Variants in TEX15 observed in about 807,000 individuals in gnomAD.
The protein encoded by TEX15 is testis-expressed protein 15.
A neutral mutation model predicts 237.3 loss-of-function variants in TEX15; 171 were observed. That is an observed-to-expected ratio of 0.72 (90% CI 0.64 to 0.82). The LOEUF (loss-of-function observed/expected upper bound fraction) is 0.82, where lower values mean the gene tolerates loss of function less well. TEX15 is among the 40% of genes least tolerant of loss of function. The probability of loss-of-function intolerance (pLI) is 0.00; values close to 1 mark genes in which losing one functional copy is unlikely to be tolerated. For synonymous variants in TEX15, 1,338 were observed against 1,269.8 expected, an observed-to-expected ratio of 1.05 and a Z score of -1.14; for missense variants, 3,750 against 3,646.5, an observed-to-expected ratio of 1.03 and a Z score of -0.73.
At chr8:30,884,777 G>C (rs1808609667) in intron 3 of TEX15, among the ~76,000 whole-genome samples, 1 of 151,770 alleles carries the variant, frequency 6.6e-6, no homozygotes, top group South Asian at 2.1e-4. Context: ...CAAAGACCCA[G>C]ATTTTCATTT....
intron 8 of TEX15, 112 bp downstream of exon 8, chr8:30,841,892 A>C: frequency 1.5e-6 from 1 of 670,338 alleles, no homozygotes; most frequent in Middle Eastern, 3.9e-4. Flanking sequence ...TCATTTTGCC[A>C]GACAATTTAC....
chr8:30,849,909 G>A (rs1807737391), intron 7 of TEX15, among the ~76,000 whole-genome samples: 2 of 151,958 alleles, frequency 1.3e-5, no homozygotes, highest in South Asian at 2.1e-4. Flanking sequence ...GGGGGCTGGG[G>A]GCAGAGGTGG....
chr8:30,844,619 CTTGT>C lies in TEX15; in HGVS notation c.5544_5547del (p.Gln1849ArgfsTer13), dbSNP rs974366408. 1.9e-6 allele frequency: 3 copies of C among 1,613,194 alleles called. No homozygotes were observed. Among genetic ancestry groups the C allele is most frequent in the African/African-American group, 2.7e-5 (2 of 74,886 alleles). On this transcript the variant is annotated frameshift_variant, in exon 8 of 11. Coordinates refer to ENST00000643185, the MANE Select transcript of TEX15 (RefSeq NM_001350162.2). LOFTEE classifies it high-confidence loss of function. ...TAAACAGAATCTTTTGCTTTTTCCGCTTGTTTAACTTTCCACGTTATTCTGTCCT... is the reference window on the plus strand; with the variant it reads ...TAAACAGAATCTTTTGCTTTTTCCGCTTAACTTTCCACGTTATTCTGTCCT...
chr8:30,880,305 C>T (rs953792784), intron 3 of TEX15, among the ~76,000 whole-genome samples: 1 of 152,214 alleles, frequency 6.6e-6, no homozygotes, highest in African/African-American at 2.4e-5. Context: ...GCTGGGATTA[C>T]AGGTGTGAGC....
At chr8:30,890,472 TC>T (rs1476647253) in intron 2 of TEX15, 2 of 151,008 alleles carry the variant, frequency 1.3e-5, no homozygotes, top group African/African-American at 2.5e-5. Context: ...ATTGTCTAGC[TC>T]ACCTCCCACT....
Position 30,844,826 on chromosome 8 carries a change from C to T in TEX15, c.5341G>A (p.Asp1781Asn), listed in dbSNP as rs747809375. Residue 1781 changes from aspartate to asparagine, a missense_variant, in exon 8 of 11, where the codon GAT becomes AAT. Coordinates refer to ENST00000643185, the MANE Select transcript of TEX15 (RefSeq NM_001350162.2). ...QCSSGNCLHT[D>N]GNETNVTENY... Reference sequence around the variant, plus strand: ...TCAGTGACATTTGTTTCATTCCCATCTGTATGGAGGCAATTACCTGAAGAG... The same window carrying T: ...TCAGTGACATTTGTTTCATTCCCATTTGTATGGAGGCAATTACCTGAAGAG... 4 of 1,613,402 alleles carry T rather than the reference C, an allele frequency of 2.5e-6. No homozygotes were observed. The highest frequency in any genetic ancestry group is 3.4e-6 in the Non-Finnish European group (4 of 1,179,590).
chr8:30,837,043 C>A lies in TEX15; in HGVS notation c.9241G>T (p.Ala3081Ser). The A allele has an allele frequency of 1.2e-6, 2 of 1,614,134 alleles. No homozygotes were observed. The highest frequency in any genetic ancestry group is 1.1e-5 in the South Asian group (1 of 91,080). Residue 3081 changes from alanine (A) to serine (S), a missense_variant, in exon 10 of 11, where the codon GCA (alanine) becomes TCA (serine). Ala to Ser is a moderately conservative substitution (Grantham distance 99, BLOSUM62 1). Coordinates refer to ENST00000643185, the MANE Select transcript of TEX15 (RefSeq NM_001350162.2). Reference protein sequence around the residue: ...PSPSGLLTTVASTAQGTHSNL... With the variant: ...PSPSGLLTTVSSTAQGTHSNL... ...GAATGTGTGCCCTGGGCAGTACTTG[C>A]AACTGTGGTCAACAGCCCAGAAGGA...
At chr8:30,833,987 T>G (rs977217336) in intron 10 of TEX15, among the ~76,000 whole-genome samples, 1 of 152,142 alleles carries the variant, frequency 6.6e-6, no homozygotes, top group African/African-American at 2.4e-5. Context: ...AAGCCCAAAC[T>G]ATGAGAACCC....
At chr8:30,896,795 A>G (rs1203272560) in intron 2 of TEX15, among the ~76,000 whole-genome samples, 2 of 152,184 alleles carry the variant, frequency 1.3e-5, no homozygotes, top group South Asian at 4.1e-4. Context: ...GGAGAATAAA[A>G]TCTTAGTATC....
chr8:30,847,592 T>C lies in TEX15; in HGVS notation c.2575A>G (p.Thr859Ala), dbSNP rs772503635. The C allele has an allele frequency of 6.2e-7, 1 of 1,612,646 alleles. No homozygotes were observed. The highest frequency in any genetic ancestry group is 2.2e-5 in the East Asian group (1 of 44,840). ...GCCTCATTTTGGTTTTCTCTATCTG[T>C]TTGTTTTTTGAAATTAACATTCAGC... ...IWLNVNFKKQ[T>A]DRENQNEAKE... Residue 859 changes from threonine to alanine, a missense_variant, in exon 8 of 11, where the codon ACA (threonine) becomes GCA (alanine). Coordinates refer to ENST00000643185, the MANE Select transcript of TEX15 (RefSeq NM_001350162.2).
At chr8:30,891,021 A>G (rs1246217481) in intron 2 of TEX15, among the ~76,000 whole-genome samples, 2 of 152,230 alleles carry the variant, frequency 1.3e-5, no homozygotes, top group African/African-American at 4.8e-5. Flanking sequence ...TTGTTTCTAC[A>G]TGAGGAAGAT....
At chr8:30,885,849 A>T (rs988168153) in intron 3 of TEX15, among the ~76,000 whole-genome samples, 3 of 152,092 alleles carry the variant, frequency 2.0e-5, no homozygotes, top group African/African-American at 7.2e-5. Flanking sequence ...TTCTCCTTGC[A>T]GTTCTATTAG....
At chr8:30,881,610 C>CTTTTTTTTTTTTTTTTTTTTTT (rs1164594718) in intron 3 of TEX15, among the ~76,000 whole-genome samples, 5 of 109,462 alleles carry the variant, frequency 4.6e-5, no homozygotes, top group Admixed American at 9.2e-5. Context: ...TCCATCTTGA[C>CTTTTTTTTTTTTTTTTTTTTTT]TTTTTATTTT....
At position 30,847,801 on chromosome 8, in the gene TEX15, T is replaced by C. The variant is rs781729649; in HGVS notation, c.2366A>G (p.Glu789Gly). The C allele has an allele frequency of 2.5e-6, 4 of 1,613,878 alleles. No homozygotes were observed. Among genetic ancestry groups the C allele is most frequent in the Non-Finnish European group, 3.4e-6 (4 of 1,179,948 alleles). The change falls in exon 8 of 11, where the codon GAA becomes GGA. Residue 789 changes from glutamate (E) to glycine (G), a missense_variant. By Grantham distance (98) the Glu-to-Gly change is moderately conservative. Coordinates refer to ENST00000643185, the MANE Select transcript of TEX15 (RefSeq NM_001350162.2). ...IDTVISSYNI[E>G]TAHDSSNCSI... ...GCAATTTGAACTGTCATGAGCTGTT[T>C]CTATGTTATAAGATGAAATAACTGT...
intron 4 of TEX15, among the ~76,000 whole-genome samples, chr8:30,868,239 A>C (rs1176117295): frequency 1.3e-5 from 2 of 152,036 alleles, no homozygotes; most frequent in Non-Finnish European, 2.9e-5. Context: ...CCCCAATTCT[A>C]TTACTTCCAT....
chr8:30,890,050 G>C (rs1585311300), intron 2 of TEX15, among the ~76,000 whole-genome samples: 1 of 149,704 alleles, frequency 6.7e-6, no homozygotes, highest in Non-Finnish European at 1.5e-5. Flanking sequence ...TCTAGACAGA[G>C]AAAGAAATCA....
In TEX15 at chr8:30,849,168, A is replaced by C. The variant is rs1417527002; in HGVS notation, c.999T>G (p.Asn333Lys). 2.6e-6 allele frequency: 4 copies of C among 1,548,056 alleles called. No individual in the cohort carries two copies. Among genetic ancestry groups the C allele is most frequent in the Non-Finnish European group, 3.5e-6 (4 of 1,149,762 alleles). The part of the protein sequence containing the change: ...CLCNALNSEI[N>K]PFISNISNSY... ...AGTTAGAAATATTTGAGATGAAAGG[A>C]TTTATCTCTGAATTTAGTGCATTGC... The change falls in exon 8 of 11, where the codon AAT becomes AAG. Residue 333 changes from asparagine (N) to lysine (K), a missense_variant. Asn to Lys is a moderately conservative substitution (Grantham distance 94). Coordinates refer to ENST00000643185, the MANE Select transcript of TEX15 (RefSeq NM_001350162.2).
At position 30,843,707 on chromosome 8, in the gene TEX15, C is replaced by G. The variant is rs766162785; in HGVS notation, c.6460G>C (p.Glu2154Gln). Reference protein sequence around the residue: ...TYHDQLVELLEETKREKNSYY... With the variant: ...TYHDQLVELLQETKREKNSYY... ...GAATTCTTTTCCCTTTTTGTTTCTT[C>G]AAGCAATTCAACTAATTGATCATGG... Residue 2154 changes from glutamate to glutamine, a missense_variant, in exon 8 of 11, where the codon GAA (glutamate) becomes CAA (glutamine). Coordinates refer to ENST00000643185, the MANE Select transcript of TEX15 (RefSeq NM_001350162.2). The G allele has an allele frequency of 1.9e-6, 3 of 1,610,384 alleles. No homozygotes were observed. Among genetic ancestry groups the G allele is most frequent in the South Asian group, 2.2e-5 (2 of 90,606 alleles).
In TEX15 at chr8:30,845,369, C is replaced by A. The variant is rs1585283562; in HGVS notation, c.4798G>T (p.Ala1600Ser). The A allele has an allele frequency of 1.9e-6, 3 of 1,611,312 alleles. No homozygotes were observed. The highest frequency in any genetic ancestry group is 2.5e-6 in the Non-Finnish European group (3 of 1,178,232). Residue 1600 changes from alanine (A) to serine (S), a missense_variant, in exon 8 of 11, where the codon GCA becomes TCA. Physicochemically the swap from Ala to Ser is moderately conservative, Grantham distance 99. Transcript: ENST00000643185. ...KHSANHNVKDATKENSCDANE... is the reference protein window; with the variant it reads ...KHSANHNVKDSTKENSCDANE... ...GCGTCACAACTGTTTTCTTTAGTTGCATCTTTAACATTATGATTTGCTGAA... is the reference window on the plus strand; with the variant it reads ...GCGTCACAACTGTTTTCTTTAGTTGAATCTTTAACATTATGATTTGCTGAA...
Sources: gnomAD v4.1 joint callset for allele counts (sites outside exome capture counted in the v4.1 genomes callset) on GRCh38, gnomAD v4.1.1 for gene constraint, MANE v1.5 for transcripts, NCBI Gene and HGNC (gene_info 2026-07-23, HGNC 2026-07-21) for gene names.